The following C10orf105 variants were observed in gnomAD, a reference collection of about 807,000 sequenced individuals.
The protein encoded by C10orf105 is uncharacterized protein C10orf105.
A neutral mutation model predicts 0.6 loss-of-function variants in C10orf105; 2 were observed. That is an observed-to-expected ratio of 3.18 (90% CI 1.30 to 10.01). The LOEUF (loss-of-function observed/expected upper bound fraction) is 10.01, where lower values mean the gene tolerates loss of function less well. Among genes scored for constraint, C10orf105 ranks in the 30% most tolerant of loss-of-function variants. The pLI is 0.04. For missense variants in C10orf105, 209 were observed against 191.4 expected (o/e 1.09, Z -0.54); for synonymous variants, 95 against 82.4 (o/e 1.15, Z -0.83).
intron 1 of C10orf105, among the ~76,000 whole-genome samples, chr10:71,730,811 C>T (rs924044250): frequency 5.3e-5 from 8 of 152,240 alleles, no homozygotes; most frequent in Non-Finnish European, 8.8e-5. Flanking sequence ...GAGAGTTGTC[C>T]CAACCACTGG....
At chr10:71,720,036 G>A (rs980667191), upstream of C10orf105, among the ~76,000 whole-genome samples, 2 of 152,228 alleles carry the variant, frequency 1.3e-5, no homozygotes, top group African/African-American at 2.4e-5. Flanking sequence ...GCCCCATGGC[G>A]CTCACCTTCC....
intron 1 of C10orf105, among the ~76,000 whole-genome samples, chr10:71,733,287 C>G (rs1287198581): frequency 6.6e-6 from 1 of 152,236 alleles, no homozygotes; most frequent in Admixed American, 6.5e-5. Flanking sequence ...ACATGCCACC[C>G]TCCAGGCACC....
At position 71,712,264 on chromosome 10, in the gene C10orf105, G is replaced by A. The variant is rs1047786552; in HGVS notation, c.*3672C>T. On this transcript the variant is annotated 3_prime_UTR_variant, in exon 2 of 2. Coordinates refer to ENST00000441508, the MANE Select transcript of C10orf105 (RefSeq NM_001164375.3). ...ATGATCACTTCTCAAGATCCTTAAC[G>A]TAATTACATTTTCAAAGGCCCTTTT... 1.1e-4 allele frequency: 20 copies of A among 175,858 alleles called. No homozygotes were observed. Among genetic ancestry groups the A allele is most frequent in the Non-Finnish European group, 1.7e-4 (14 of 81,242 alleles). 10.9% of individuals were successfully genotyped at this position (175,858 alleles called of 1,614,324 possible). A position where few individuals can be genotyped will look rare whatever the true frequency, so the allele number is the denominator to read the frequency against.
At chr10:71,723,333 G>A (rs924405355), upstream of C10orf105, among the ~76,000 whole-genome samples, 10 of 152,144 alleles carry the variant, frequency 6.6e-5, no homozygotes, top group African/African-American at 2.4e-4. Flanking sequence ...CTATGGTTCT[G>A]CCAGTAGCCT....
At chr10:71,724,045 C>A (rs865780707), upstream of C10orf105, 1 of 1,558,254 alleles carries the variant, frequency 6.4e-7, no homozygotes, top group East Asian at 2.4e-5. Context: ...TCTTCCTCAG[C>A]TGAAAGCCAC....
intron 1 of C10orf105, chr10:71,732,721 A>T: frequency 8.3e-7 from 1 of 1,208,542 alleles, no homozygotes; most frequent in Non-Finnish European, 1.0e-6. Flanking sequence ...GTTTATACCT[A>T]TGCAGGCTGG....
At chr10:71,731,537 G>A (rs771049686) in intron 1 of C10orf105, among the ~76,000 whole-genome samples, 1 of 152,178 alleles carries the variant, frequency 6.6e-6, no homozygotes, top group Non-Finnish European at 1.5e-5. Context: ...TAGGGAGTGG[G>A]GAGGATGGGG....
At position 71,715,986 on chromosome 10, in the gene C10orf105, G is replaced by C. The variant is rs897125581; in HGVS notation, c.352C>G (p.Pro118Ala). 6.7e-6 allele frequency: 10 copies of C among 1,492,474 alleles called. No homozygotes were observed. The African/African-American group carries it at 1.4e-4, about 21-fold the overall frequency. 92.5% of individuals were successfully genotyped at this position (1,492,474 alleles called of 1,614,324 possible). ...PTVPRQPLPG[P>A]EDNRSHCDYM... ...TCACAGTGGCTGCGGTTGTCCTCGG[G>C]GCCCGGCAGGGGCTGTCGAGGGACG... The change falls in exon 2 of 2, where the codon CCC becomes GCC. Residue 118 changes from proline (P) to alanine (A), a missense_variant. Coordinates refer to ENST00000441508, the MANE Select transcript of C10orf105 (RefSeq NM_001164375.3).
chr10:71,732,380 G>C, intron 1 of C10orf105: 1 of 1,556,394 alleles, frequency 6.4e-7, no homozygotes, highest in Non-Finnish European at 8.7e-7. Flanking sequence ...ATCACGGTGA[G>C]GGGCTGGGGG....
intron 1 of C10orf105, chr10:71,732,131 A>C (rs2132824934): frequency 6.2e-7 from 1 of 1,614,006 alleles, no homozygotes; most frequent in African/African-American, 1.3e-5. Context: ...TCGGCCACTG[A>C]CCAGGCCCCG....
At chr10:71,718,709 T>C (rs1866407696) in intron 1 of C10orf105, among the ~76,000 whole-genome samples, 1 of 152,226 alleles carries the variant, frequency 6.6e-6, no homozygotes, top group Non-Finnish European at 1.5e-5. Context: ...CAAAGGAATC[T>C]GGAGACCCTA....
At chr10:71,728,157 A>C (rs1350058681) in intron 1 of C10orf105, among the ~76,000 whole-genome samples, 1 of 152,174 alleles carries the variant, frequency 6.6e-6, no homozygotes, top group Non-Finnish European at 1.5e-5. Context: ...CTGTTTACCG[A>C]AAAAGAGTTC....
intron 1 of C10orf105, chr10:71,732,225 C>A (rs373366898): frequency 6.2e-7 from 1 of 1,613,750 alleles, no homozygotes; most frequent in Non-Finnish European, 8.5e-7. Context: ...ATGCCTCATA[C>A]GAGGCTGCCA....
chr10:71,727,587 C>T lies in C10orf105; in HGVS notation c.-6+10141G>A, dbSNP rs144208626. The stretch of plus-strand genomic sequence containing the variant: ...TCCTGCCTCAGAGACCGGGGACAGC[C>T]CCAGTGAGGGGCCGGGGAGTACAGA... On this transcript the variant is annotated intron_variant, in intron 1 of 1. Coordinates refer to the C10orf105 transcript ENST00000398786. Among the ~76,000 whole-genome samples the T allele has an allele frequency of 2.3e-3, 348 of 152,274 alleles. 1 individual carries two copies. The highest frequency in any genetic ancestry group is 7.9e-3 in the African/African-American group (329 of 41,554).
At chr10:71,737,624 G>A (rs1564767394) in intron 1 of C10orf105, 3 of 460,106 alleles carry the variant, frequency 6.5e-6, no homozygotes, top group Admixed American at 2.4e-5. Context: ...CAGAGAATGG[G>A]GTCTGGCCTG....
chr10:71,732,609 G>A lies in C10orf105; in HGVS notation c.-6+5119C>T. On this transcript the variant is annotated intron_variant, in intron 1 of 1. Transcript: ENST00000398786. ...GTTTGCACCACTGCACTCCAGCCCG[G>A]GCAACAGAGTGAGACCTTGTCTCTT... is the stretch of plus-strand genomic sequence containing the variant. The A allele has an allele frequency of 4.3e-6, 6 of 1,394,184 alleles. No individual in the cohort carries two copies. The South Asian group carries it at 9.6e-5, about 22-fold the overall frequency. 86.4% of individuals were successfully genotyped at this position (1,394,184 alleles called of 1,614,324 possible).
chr10:71,731,894 A>G, intron 1 of C10orf105: 2 of 1,428,418 alleles, frequency 1.4e-6, no homozygotes, highest in Non-Finnish European at 1.9e-6. Flanking sequence ...TGGGTGGGCC[A>G]CCCAGGGGGT....
chr10:71,712,812 A>AGGCAGGTGGCCCGTGGCCTCTGG lies in C10orf105; in HGVS notation c.*3101_*3123dup. 1.2e-6 allele frequency: 2 copies of AGGCAGGTGGCCCGTGGCCTCTGG among 1,611,266 alleles called. No individual in the cohort carries two copies. The highest frequency in any genetic ancestry group is 1.7e-6 in the Non-Finnish European group (2 of 1,179,070). ...ATCCCTGAAGGCCACAGCATCTTGC[A>AGGCAGGTGGCCCGTGGCCTCTGG]GGCAGGTGGCCCGTGGCCTCTGGGG... On this transcript the variant is annotated 3_prime_UTR_variant, in exon 2 of 2. Coordinates refer to ENST00000441508, the MANE Select transcript of C10orf105 (RefSeq NM_001164375.3).
In C10orf105 at chr10:71,716,301, C is replaced by T. The variant is rs1475309073; in HGVS notation, c.37G>A (p.Ala13Thr). The T allele has an allele frequency of 8.6e-6, 13 of 1,510,504 alleles. No individual in the cohort carries two copies. Among genetic ancestry groups the T allele is most frequent in the Non-Finnish European group, 8.9e-6 (10 of 1,124,218 alleles). 93.6% of individuals were successfully genotyped at this position (1,510,504 alleles called of 1,614,324 possible). The stretch of plus-strand genomic sequence containing the variant: ...GAGAGAAAGGCGAGGGGGCTGATGG[C>T]TGGGGAGCTGGCGAGGCTGGGGCCC... ...TEGPSLASSP[A>T]ISPLAFLSAP... Residue 13 changes from alanine (A) to threonine (T), a missense_variant, in exon 2 of 2, where the codon GCC becomes ACC. Coordinates refer to ENST00000441508, the MANE Select transcript of C10orf105 (RefSeq NM_001164375.3).
Sources: allele counts gnomAD v4.1 joint callset (sites outside exome capture counted in the v4.1 genomes callset), GRCh38; gene constraint gnomAD v4.1.1; transcripts MANE v1.5; gene names NCBI Gene and HGNC (gene_info 2026-07-23, HGNC 2026-07-21).